Variants in CNOT11 observed in about 807,000 individuals in gnomAD.
The protein encoded by CNOT11 is CCR4-NOT transcription complex subunit 11.
A neutral mutation model predicts 44.6 loss-of-function variants in CNOT11; 18 were observed. That is an observed-to-expected ratio of 0.40 (90% CI 0.28 to 0.60). The LOEUF (loss-of-function observed/expected upper bound fraction) is 0.60, where lower values mean the gene tolerates loss of function less well. CNOT11 is among the 20% of genes least tolerant of loss of function. CNOT11 has a pLI of 0.38. For synonymous variants in CNOT11, 291 were observed against 270.9 expected (o/e 1.07, Z -0.73); for missense variants, 513 against 677.0 (o/e 0.76, Z 2.69).
intron 2 of CNOT11, among the ~76,000 whole-genome samples, chr2:101,258,472 G>GTAAATTCAT (rs1419818157): frequency 6.6e-6 from 1 of 151,950 alleles, no homozygotes; most frequent in Admixed American, 6.6e-5. Flanking sequence ...CTAATAGCAT[G>GTAAATTCAT]TAAATTCATT....
chr2:101,257,900 C>T lies in CNOT11; in HGVS notation c.624C>T (p.Asp208=), dbSNP rs762697427. 9.9e-6 allele frequency: 16 copies of T among 1,614,074 alleles called. No homozygotes were observed. The highest frequency in any genetic ancestry group is 4.5e-5 in the East Asian group (2 of 44,882). The change falls in exon 2 of 7, where the codon GAC becomes GAT. Residue 208 remains aspartate, a synonymous_variant. Transcript: ENST00000289382. The stretch of plus-strand genomic sequence containing the variant: ...CGCCTCGCCAGATTGCACTGATGGA[C>T]GTTGGAAACATGGGCCAGTCTGTGG... The part of the protein sequence containing the change: ...KKTPRQIALM[D]VGNMGQSVDI...
intron 4 of CNOT11, among the ~76,000 whole-genome samples, chr2:101,265,369 C>T (rs1280728799): frequency 6.6e-6 from 1 of 152,162 alleles, no homozygotes; most frequent in Non-Finnish European, 1.5e-5. Flanking sequence ...GCTGGGATTA[C>T]AGGTGTGAGC....
Position 101,269,195 on chromosome 2 carries a change from T to A in CNOT11, c.1336-21T>A, listed in dbSNP as rs766982348. The A allele has an allele frequency of 1.1e-5, 12 of 1,057,008 alleles. No homozygotes were observed. Among genetic ancestry groups the A allele is most frequent in the South Asian group, 3.7e-5 (2 of 54,100 alleles). 65.5% of individuals were successfully genotyped at this position (1,057,008 alleles called of 1,614,324 possible). A position where few individuals can be genotyped will look rare whatever the true frequency, so the allele number is the denominator to read the frequency against. On this transcript the variant is annotated intron_variant, in intron 6 of 6. Transcript: ENST00000289382. The surrounding 1 kb of genome is among the most constrained non-coding windows in gnomAD (Gnocchi z 4.8). ...TGCCAGGAAAATGAGCAGACTAACA[T>A]TTTTTTTTTTCCTTTTTCAGAATCG...
chr2:101,267,940 ACCT>A (rs959541988), intron 5 of CNOT11, among the ~76,000 whole-genome samples: 24 of 152,282 alleles, frequency 1.6e-4, no homozygotes, highest in Non-Finnish European at 1.3e-4. Flanking sequence ...GTTTTTGAAC[ACCT>A]GTTTGTAAGT....
chr2:101,253,352 C>G lies in CNOT11; in HGVS notation c.388C>G (p.Leu130Val). 1 of 1,602,126 alleles carries G rather than the reference C, an allele frequency of 6.2e-7. No individual in the cohort carries two copies. The highest frequency in any genetic ancestry group is 8.5e-7 in the Non-Finnish European group (1 of 1,179,058). ...SAAQRLTALYLLWEMYRTEPL... is the reference protein window; with the variant it reads ...SAAQRLTALYVLWEMYRTEPL... ...GGCGCAGCGCCTCACGGCGCTCTAC[C>G]TGCTCTGGGAGATGTACCGCACCGA... Residue 130 changes from leucine to valine, a missense_variant, in exon 1 of 7, where the codon CTG becomes GTG. Physicochemically the swap from Leu to Val is conservative, Grantham distance 32 (BLOSUM62 1). Transcript: ENST00000289382. The surrounding 1 kb of genome is among the most constrained non-coding windows in gnomAD (Gnocchi z 4.3).
chr2:101,268,559 A>G (rs1682042978), intron 5 of CNOT11, among the ~76,000 whole-genome samples: 1 of 152,250 alleles, frequency 6.6e-6, no homozygotes, highest in Admixed American at 6.5e-5. Flanking sequence ...TTGGAGCACT[A>G]CATCCTCATG....
chr2:101,262,481 GCTTGT>G lies in CNOT11; in HGVS notation c.680-54_680-50del, dbSNP rs1457192616. On this transcript the variant is annotated intron_variant, in intron 2 of 6. Transcript: ENST00000289382. ...TACAGATAGCTTGCCTCAGTTGGTAGCTTGTCTTTTCTCTCTCCTCATGATGTCCA... is the reference window on the plus strand; with the variant it reads ...TACAGATAGCTTGCCTCAGTTGGTAGCTTTTCTCTCTCCTCATGATGTCCA... 3 of 1,524,604 alleles carry G rather than the reference GCTTGT, an allele frequency of 2.0e-6. No homozygotes were observed. In the African/African-American group the frequency reaches 4.1e-5, roughly 21 times the overall value. 94.4% of individuals were successfully genotyped at this position (1,524,604 alleles called of 1,614,324 possible).
chr2:101,254,809 G>A (rs867338533), intron 1 of CNOT11, among the ~76,000 whole-genome samples: 28 of 152,020 alleles, frequency 1.8e-4, no homozygotes, highest in Admixed American at 1.4e-3. Flanking sequence ...GAGGCAGGAG[G>A]ATCACTTGAG....
At chr2:101,267,983 T>C (rs938915091) in intron 5 of CNOT11, among the ~76,000 whole-genome samples, 1 of 152,170 alleles carries the variant, frequency 6.6e-6, no homozygotes, top group Admixed American at 6.5e-5. Flanking sequence ...CTATGTGAAA[T>C]TGAACTACAG....
chr2:101,253,478 G>A lies in CNOT11; in HGVS notation c.514G>A (p.Gly172Arg). The part of the protein sequence containing the change: ...GQEPDRPPLS[G>R]FLPPITPPEK... ...GGAACCCGACCGCCCTCCGCTCTCA[G>A]GTACCTCCTGAAGCCAGCTGTGCCG... is the stretch of plus-strand genomic sequence containing the variant. Residue 172 changes from glycine (G) to arginine (R), a missense_variant and splice_region_variant, in exon 1 of 7, where the codon GGA becomes AGA. This residue lies in a region of CNOT11 where 259 missense variants were observed against 265.7 expected (regional missense o/e 0.97). Coordinates refer to ENST00000289382, the MANE Select transcript of CNOT11 (RefSeq NM_017546.5). The surrounding 1 kb of genome is among the most constrained non-coding windows in gnomAD (Gnocchi z 4.3). The A allele has an allele frequency of 6.8e-7, 1 of 1,473,108 alleles. No homozygotes were observed. The allele number at this position is 1,473,108 out of a possible 1,614,324, so 91.3% of individuals were successfully genotyped here.
chr2:101,252,924 G>C lies in CNOT11; in HGVS notation c.-41G>C. 1.4e-6 allele frequency: 2 copies of C among 1,396,796 alleles called. No individual in the cohort carries two copies. Among genetic ancestry groups the C allele is most frequent in the South Asian group, 3.1e-5 (2 of 63,932 alleles). 86.5% of individuals were successfully genotyped at this position (1,396,796 alleles called of 1,614,324 possible). A position where few individuals can be genotyped will look rare whatever the true frequency, so the allele number is the denominator to read the frequency against. ...GCGGGGACGGAGCGAGCCGGCGCCA[G>C]GGCCCCTCGGGCCGGGAAGAGGGGA... On this transcript the variant is annotated 5_prime_UTR_variant, in exon 1 of 7. Transcript: ENST00000289382.
At chr2:101,268,589 G>C (rs950953939) in intron 5 of CNOT11, among the ~76,000 whole-genome samples, 3 of 152,148 alleles carry the variant, frequency 2.0e-5, no homozygotes, top group African/African-American at 7.2e-5. Flanking sequence ...AAAAAGTTTT[G>C]AGGTCTGTTA....
intron 4 of CNOT11, among the ~76,000 whole-genome samples, chr2:101,266,201 G>T (rs4561686): frequency 3.9e-5 from 6 of 152,134 alleles, no homozygotes; most frequent in African/African-American, 1.2e-4. Flanking sequence ...TCAGCTGTCC[G>T]GATTCCCGCT....
At position 101,257,919 on chromosome 2, in the gene CNOT11, T is replaced by C. The variant is rs1422946122; in HGVS notation, c.643T>C (p.Ser215Pro). The change falls in exon 2 of 7, where the codon TCT (serine) becomes CCT (proline). Residue 215 changes from serine (S) to proline (P), a missense_variant. Physicochemically the swap from Ser to Pro is moderately conservative, Grantham distance 74. Around this residue, in one of 4 missense-constraint regions of CNOT11, gnomAD observed 27 missense variants for 56.1 expected, o/e 0.48. Coordinates refer to ENST00000289382, the MANE Select transcript of CNOT11 (RefSeq NM_017546.5). ...GATGGACGTTGGAAACATGGGCCAG[T>C]CTGTGGACATTAGTGGGCTTCAGTT... ...ALMDVGNMGQ[S>P]VDISGLQLAL... 10 of 1,613,958 alleles carry C rather than the reference T, an allele frequency of 6.2e-6. No homozygotes were observed. Among genetic ancestry groups the C allele is most frequent in the Non-Finnish European group, 7.6e-6 (9 of 1,179,948 alleles).
intron 3 of CNOT11, among the ~76,000 whole-genome samples, chr2:101,263,755 T>A (rs1681918578): frequency 1.3e-5 from 2 of 152,252 alleles, no homozygotes; most frequent in Admixed American, 1.3e-4. Context: ...GACTGAAATG[T>A]CCATGGCATG....
chr2:101,259,558 T>G lies in CNOT11; in HGVS notation c.679+1603T>G, dbSNP rs376221100. On this transcript the variant is annotated intron_variant, in intron 2 of 6. Coordinates refer to ENST00000289382, the MANE Select transcript of CNOT11 (RefSeq NM_017546.5). Reference sequence around the variant, plus strand: ...TGAGAGCAACTCAACAGGGAAATTGTAATATGTAGCTGGGTTTGTGAACCC... The same window carrying G: ...TGAGAGCAACTCAACAGGGAAATTGGAATATGTAGCTGGGTTTGTGAACCC... Among the ~76,000 whole-genome samples, 9 of 152,342 alleles carry G rather than the reference T, an allele frequency of 5.9e-5. No individual in the cohort carries two copies. In the East Asian group the frequency reaches 1.5e-3, roughly 26 times the overall value.
At position 101,269,636 on chromosome 2, in the gene CNOT11, A is replaced by C. The variant is rs1412048434; in HGVS notation, c.*223A>C. 1 of 391,382 alleles carries C rather than the reference A, an allele frequency of 2.6e-6. No individual in the cohort carries two copies. Among genetic ancestry groups the C allele is most frequent in the African/African-American group, 2.1e-5 (1 of 48,366 alleles). The allele number at this position is 391,382 out of a possible 1,614,324, so 24.2% of individuals were successfully genotyped here. ...TTAGGTGTCTTGCTGATGACTATCC[A>C]TAGGAGGAATGGCTATCCCAAAAAA... On this transcript the variant is annotated 3_prime_UTR_variant, in exon 7 of 7. Transcript: ENST00000289382. This position sits in a 1 kb window ranked among gnomAD's most constrained non-coding sequence, Gnocchi z 4.8.
chr2:101,268,533 G>C (rs1408127099), intron 5 of CNOT11, among the ~76,000 whole-genome samples: 1 of 152,182 alleles, frequency 6.6e-6, no homozygotes, highest in African/African-American at 2.4e-5. Context: ...GACTGCAGCA[G>C]CTCATGACAG....
At chr2:101,266,445 T>C (rs1278299151) in intron 4 of CNOT11, among the ~76,000 whole-genome samples, 4 of 152,220 alleles carry the variant, frequency 2.6e-5, no homozygotes, top group African/African-American at 9.7e-5. Context: ...CACTAGCATA[T>C]TTATAAACTG....
Sources: allele counts gnomAD v4.1 joint callset (sites outside exome capture counted in the v4.1 genomes callset), GRCh38; gene constraint gnomAD v4.1.1; regional missense constraint gnomAD v4.1.1; non-coding constraint Gnocchi (gnomAD v3.1); transcripts MANE v1.5; gene names NCBI Gene and HGNC (gene_info 2026-07-23, HGNC 2026-07-21).